PRKCB: variants seen among roughly 807,000 people sequenced by gnomAD.
PRKCB encodes protein kinase C beta type.
Under a neutral mutation model 81.5 loss-of-function variants are expected in PRKCB, and 13 were observed. That is an observed-to-expected ratio of 0.16 (90% CI 0.10 to 0.25). The LOEUF (loss-of-function observed/expected upper bound fraction) is 0.25. PRKCB is among the 10% of genes least tolerant of loss of function. PRKCB has a pLI of 1.00. For missense variants in PRKCB, 509 were observed against 875.7 expected (o/e 0.58, Z 5.29); for synonymous variants, 335 against 321.4 (o/e 1.04, Z -0.45).
chr16:24,163,085 G>C (rs1967287704), intron 10 of PRKCB, among the ~76,000 whole-genome samples: 1 of 152,152 alleles, frequency 6.6e-6, no homozygotes. Context: ...TCATAGTCCT[G>C]GGAAAGAGAA....
Position 24,216,235 on chromosome 16 carries a change from A to G in PRKCB, c.*1419A>G. On this transcript the variant is annotated 3_prime_UTR_variant, in exon 17 of 17. Transcript: ENST00000643927. ...TGGCCAGAGCCAACGAGGATACTGG[A>G]GCCCAAAGTCAAGTTTAGAGACCAG... 1.0e-6 allele frequency: 1 copy of G among 985,414 alleles called. No homozygotes were observed. Among genetic ancestry groups the G allele is most frequent in the South Asian group, 4.7e-5 (1 of 21,288 alleles). The allele number at this position is 985,414 out of a possible 1,614,324, so 61.0% of individuals were successfully genotyped here.
At chr16:23,944,580 C>T (rs763318126) in intron 2 of PRKCB, among the ~76,000 whole-genome samples, 7 of 152,200 alleles carry the variant, frequency 4.6e-5, no homozygotes, top group African/African-American at 7.2e-5. Context: ...CTCATGATCT[C>T]TGTGTTTTGC....
At chr16:24,027,963 T>A (rs1464531429) in intron 3 of PRKCB, among the ~76,000 whole-genome samples, 1 of 152,134 alleles carries the variant, frequency 6.6e-6, no homozygotes, top group Non-Finnish European at 1.5e-5. Context: ...AGAGACAGGG[T>A]CTCACTGTGT....
intron 2 of PRKCB, among the ~76,000 whole-genome samples, chr16:23,914,590 G>A (rs758386933): frequency 9.2e-5 from 14 of 152,154 alleles, no homozygotes; most frequent in Non-Finnish European, 1.9e-4. Flanking sequence ...ATGTCTCTAT[G>A]CCTCATTTTC....
At chr16:24,182,432 G>A (rs145470444) in intron 13 of PRKCB, among the ~76,000 whole-genome samples, 1 of 152,112 alleles carries the variant, frequency 6.6e-6, no homozygotes, top group African/African-American at 2.4e-5. Flanking sequence ...AAGGTGGGAG[G>A]ATCACTTGAG....
chr16:23,943,920 G>A (rs946078106), intron 2 of PRKCB, among the ~76,000 whole-genome samples: 7 of 152,150 alleles, frequency 4.6e-5, no homozygotes, highest in Non-Finnish European at 8.8e-5. Context: ...AAGGCACCAG[G>A]TCCCTGGACT....
chr16:23,940,889 G>A (rs1224398350), intron 2 of PRKCB, among the ~76,000 whole-genome samples: 2 of 151,998 alleles, frequency 1.3e-5, no homozygotes, highest in African/African-American at 2.4e-5. Context: ...TATAAAACAG[G>A]GATAATAACG....
At chr16:23,939,631 A>G (rs1964111959) in intron 2 of PRKCB, among the ~76,000 whole-genome samples, 1 of 152,218 alleles carries the variant, frequency 6.6e-6, no homozygotes. Context: ...ACATAGTGCT[A>G]GAACAATTGG....
chr16:23,911,825 C>CTTTTTTTTTTTTTTTTTTTT (rs1567311221), intron 2 of PRKCB, among the ~76,000 whole-genome samples: 1 of 126,370 alleles, frequency 7.9e-6, no homozygotes. Context: ...GCGCGACCCA[C>CTTTTTTTTTTTTTTTTTTTT]ATTTTTTTTT....
At chr16:24,144,100 T>C (rs959236953) in intron 9 of PRKCB, among the ~76,000 whole-genome samples, 2 of 151,632 alleles carry the variant, frequency 1.3e-5, no homozygotes, top group African/African-American at 4.9e-5. Flanking sequence ...ATTGCTTTGG[T>C]TTCCAGGAAG....
intron 10 of PRKCB, among the ~76,000 whole-genome samples, chr16:24,162,441 AC>A (rs374879477): frequency 0.16 from 19,066 of 119,344 alleles, 1,513 homozygotes; most frequent in South Asian, 0.28. Context: ...AACAGAGAAG[AC>A]TTTTTTTTTT....
At chr16:23,925,558 G>A (rs1298285794) in intron 2 of PRKCB, among the ~76,000 whole-genome samples, 1 of 152,028 alleles carries the variant, frequency 6.6e-6, no homozygotes, top group Non-Finnish European at 1.5e-5. Context: ...TTGAAGTGCC[G>A]AAACCCAGCA....
intron 3 of PRKCB, among the ~76,000 whole-genome samples, chr16:24,006,616 T>G (rs16951821): frequency 0.06 from 9,063 of 152,258 alleles, 868 homozygotes; most frequent in African/African-American, 0.2. Flanking sequence ...TTCAGAGCGT[T>G]GAAAGAAAAC....
intron 16 of PRKCB, among the ~76,000 whole-genome samples, chr16:24,194,805 A>G (rs1450064716): frequency 6.6e-6 from 1 of 152,210 alleles, no homozygotes; most frequent in African/African-American, 2.4e-5. Flanking sequence ...TGACTTTCAA[A>G]GTACAGTGAT....
At chr16:23,960,329 C>T (rs926924899) in intron 2 of PRKCB, among the ~76,000 whole-genome samples, 1 of 152,148 alleles carries the variant, frequency 6.6e-6, no homozygotes, top group Non-Finnish European at 1.5e-5. Context: ...CCTCTCCTCA[C>T]CTCTTCCCTC....
chr16:23,857,747 C>T (rs948407066), intron 2 of PRKCB, among the ~76,000 whole-genome samples: 1 of 151,936 alleles, frequency 6.6e-6, no homozygotes, highest in Admixed American at 6.6e-5. Context: ...TGTGTGCGCA[C>T]GTGCGTCTGC....
At chr16:23,974,830 G>T (rs1964603734) in intron 2 of PRKCB, among the ~76,000 whole-genome samples, 1 of 152,208 alleles carries the variant, frequency 6.6e-6, no homozygotes, top group South Asian at 2.1e-4. Context: ...GGGGATCTGG[G>T]TGGCAGGAGC....
At chr16:24,032,110 C>T in intron 3 of PRKCB, 26 bp from the exon 4 acceptor site, 2 of 1,530,558 alleles carry the variant, frequency 1.3e-6, no homozygotes, top group Non-Finnish European at 1.8e-6. Context: ...GACGCTGGCT[C>T]CTTCTGTTGT....
intron 2 of PRKCB, among the ~76,000 whole-genome samples, chr16:23,872,559 T>C (rs951110128): frequency 6.6e-6 from 1 of 152,026 alleles, no homozygotes; most frequent in Non-Finnish European, 1.5e-5. Context: ...AAGTTAAATA[T>C]AAGGTCTCTG....
Sources: gnomAD v4.1 joint callset for allele counts (sites outside exome capture counted in the v4.1 genomes callset) on GRCh38, gnomAD v4.1.1 for gene constraint, MANE v1.5 for transcripts, NCBI Gene and HGNC (gene_info 2026-07-23, HGNC 2026-07-21) for gene names.